ROR1: variants seen among roughly 807,000 people sequenced by gnomAD.
The protein encoded by ROR1 is inactive tyrosine-protein kinase transmembrane receptor ROR1.
In ROR1, 19 loss-of-function variants were observed where a neutral mutation model predicts 78.8. That is an observed-to-expected ratio of 0.24 (90% CI 0.17 to 0.35). The LOEUF is 0.35. Among genes scored for constraint, ROR1 ranks in the 10% least tolerant of loss-of-function variants. The pLI, the probability that ROR1 is intolerant of heterozygous loss-of-function variation, is 1.00. For synonymous variants in ROR1, 386 were observed against 433.6 expected (o/e 0.89, Z 1.36); for missense variants, 917 against 1,177.8 (o/e 0.78, Z 3.24).
intron 1 of ROR1, among the ~76,000 whole-genome samples, chr1:64,000,220 G>A (rs1646371626): frequency 6.6e-6 from 1 of 152,106 alleles, no homozygotes; most frequent in Non-Finnish European, 1.5e-5. Flanking sequence ...GAAAAAAAGA[G>A]TAAAGTTTGT....
chr1:63,968,089 T>C (rs929367069), intron 1 of ROR1, among the ~76,000 whole-genome samples: 10 of 152,174 alleles, frequency 6.6e-5, no homozygotes, highest in East Asian at 3.9e-4. Flanking sequence ...AATTTACAGA[T>C]AGATGGTAAG....
At chr1:64,117,993 G>GGATTTGAGACCAGT (rs1648377085) in intron 4 of ROR1, among the ~76,000 whole-genome samples, 1 of 152,204 alleles carries the variant, frequency 6.6e-6, no homozygotes, top group Non-Finnish European at 1.5e-5. Flanking sequence ...TTGAGCCCAG[G>GGATTTGAGACCAGT]GATTTGAGAC....
intron 8 of ROR1, chr1:64,171,305 A>C (rs1650233917): frequency 6.5e-6 from 1 of 154,514 alleles, no homozygotes; most frequent in South Asian, 2.0e-4. Flanking sequence ...GAGAGAGCTT[A>C]TGCAGGGAAA....
intron 4 of ROR1, among the ~76,000 whole-genome samples, chr1:64,075,064 A>C (rs1647038030): frequency 6.6e-6 from 1 of 152,182 alleles, no homozygotes; most frequent in African/African-American, 2.4e-5. Flanking sequence ...CAGTGCTTTA[A>C]AAATGTTGGC....
intron 4 of ROR1, among the ~76,000 whole-genome samples, chr1:64,135,981 G>A (rs1197141270): frequency 6.6e-6 from 1 of 152,086 alleles, no homozygotes. Flanking sequence ...AGACTCCTAC[G>A]CTAGACCTTC....
chr1:64,119,065 A>T (rs1459566700), intron 4 of ROR1, among the ~76,000 whole-genome samples: 1 of 152,194 alleles, frequency 6.6e-6, no homozygotes, highest in Admixed American at 6.5e-5. Flanking sequence ...TGAGGACATG[A>T]TGGGGTTGCC....
At chr1:63,969,328 G>GT (rs1352207784) in intron 1 of ROR1, among the ~76,000 whole-genome samples, 2 of 152,144 alleles carry the variant, frequency 1.3e-5, no homozygotes, top group African/African-American at 4.8e-5. Flanking sequence ...GTTCTTCCCA[G>GT]TTTGGTCTCA....
At chr1:63,826,997 A>G (rs976012246) in intron 1 of ROR1, among the ~76,000 whole-genome samples, 1 of 152,114 alleles carries the variant, frequency 6.6e-6, no homozygotes, top group Admixed American at 6.6e-5. Flanking sequence ...TGCAGCCATA[A>G]CAAGGAATGA....
In ROR1 at chr1:64,013,805, G is replaced by A. The variant is rs545407309; in HGVS notation, c.163+4429G>A. Among the ~76,000 whole-genome samples the A allele has an allele frequency of 3.2e-4, 48 of 152,248 alleles. No individual in the cohort carries two copies. In the East Asian group the frequency reaches 7.3e-3, roughly 23 times the overall value. On this transcript the variant is annotated intron_variant, in intron 2 of 8. Transcript: ENST00000371079. ...TCGGTGTATTGAAATTATCTATTTC[G>A]TGCCTGCCTCTTTAAAGTCAGGGTT...
At chr1:63,863,379 G>A (rs937571021) in intron 1 of ROR1, among the ~76,000 whole-genome samples, 8 of 152,100 alleles carry the variant, frequency 5.3e-5, no homozygotes, top group East Asian at 1.9e-4. Flanking sequence ...TAGACACTTC[G>A]GAGCCTGAGT....
intron 1 of ROR1, among the ~76,000 whole-genome samples, chr1:63,954,243 C>T (rs906460306): frequency 7.2e-5 from 11 of 152,212 alleles, no homozygotes; most frequent in Non-Finnish European, 1.3e-4. Flanking sequence ...AGTGTGCCTA[C>T]ATTCCACTCC....
In ROR1 at chr1:64,180,858, A is replaced by G. The variant is rs1256549596; in HGVS notation, c.*2003A>G. ...AGTAAAATACCTACTCTGGTAAAAC[A>G]TTATTATGGTTAAAAAGTAAATTCA... On this transcript the variant is annotated 3_prime_UTR_variant, in exon 9 of 9. Transcript: ENST00000371079. 6.6e-6 allele frequency: 1 copy of G among 152,174 alleles called. No individual in the cohort carries two copies. Among genetic ancestry groups the G allele is most frequent in the African/African-American group, 2.4e-5 (1 of 41,460 alleles). The allele number at this position is 152,174 out of a possible 1,614,324, so 9.4% of individuals were successfully genotyped here. A position where few individuals can be genotyped will look rare whatever the true frequency, so the allele number is the denominator to read the frequency against.
chr1:63,832,155 T>C (rs1644992534), intron 1 of ROR1, among the ~76,000 whole-genome samples: 1 of 152,202 alleles, frequency 6.6e-6, no homozygotes. Flanking sequence ...GTAAAAATCA[T>C]TAAACAAGTC....
At chr1:63,934,286 G>A (rs1040126122) in intron 1 of ROR1, among the ~76,000 whole-genome samples, 1 of 152,070 alleles carries the variant, frequency 6.6e-6, no homozygotes, top group Non-Finnish European at 1.5e-5. Context: ...GGTTTGAACC[G>A]AGCCATACCA....
intron 1 of ROR1, chr1:63,788,885 G>C (rs781733984): frequency 2.3e-6 from 2 of 879,492 alleles, no homozygotes; most frequent in Non-Finnish European, 3.7e-6. Context: ...TTGTGGATGT[G>C]TTCCATGAGA....
At chr1:63,970,708 C>T (rs1646112394) in intron 1 of ROR1, among the ~76,000 whole-genome samples, 1 of 152,256 alleles carries the variant, frequency 6.6e-6, no homozygotes, top group African/African-American at 2.4e-5. Flanking sequence ...ACAGCGTCTT[C>T]TGCCAGGCGC....
intron 1 of ROR1, among the ~76,000 whole-genome samples, chr1:63,856,374 C>T (rs895995319): frequency 6.6e-6 from 1 of 152,168 alleles, no homozygotes; most frequent in African/African-American, 2.4e-5. Flanking sequence ...CTCCTCGTGG[C>T]GTGGGGAATC....
intron 1 of ROR1, among the ~76,000 whole-genome samples, chr1:63,799,780 C>T (rs191825777): frequency 2.2e-4 from 34 of 152,172 alleles, no homozygotes; most frequent in African/African-American, 5.8e-4. Flanking sequence ...CAGTGTTCAG[C>T]ACATTGAGCC....
At chr1:63,938,047 G>A (rs1025735505) in intron 1 of ROR1, among the ~76,000 whole-genome samples, 1 of 151,956 alleles carries the variant, frequency 6.6e-6, no homozygotes, top group Non-Finnish European at 1.5e-5. Flanking sequence ...ACATCCTCAG[G>A]GAAGCCTTCT....
Sources: gnomAD v4.1 joint callset for allele counts (sites outside exome capture counted in the v4.1 genomes callset) on GRCh38, gnomAD v4.1.1 for gene constraint, MANE v1.5 for transcripts, NCBI Gene and HGNC (gene_info 2026-07-23, HGNC 2026-07-21) for gene names.